WDR88: variants seen among roughly 807,000 people sequenced by gnomAD.
The protein encoded by WDR88 is WD repeat-containing protein 88.
Under a neutral mutation model 46.8 loss-of-function variants are expected in WDR88, and 40 were observed. The ratio of observed to expected loss-of-function variants is 0.86; its 90% CI spans 0.66 to 1.11. WDR88 has a LOEUF of 1.11. Among genes scored for constraint, WDR88 ranks in the 50% most tolerant of loss-of-function variants. WDR88 has a pLI of 0.00. For synonymous variants in WDR88, 235 were observed against 240.7 expected, an observed-to-expected ratio of 0.98 and a Z score of 0.22; for missense variants, 562 against 602.4, an observed-to-expected ratio of 0.93 and a Z score of 0.70.
chr19:33,143,054 G>T (rs1343538522), intron 2 of WDR88, among the ~76,000 whole-genome samples: 1 of 151,760 alleles, frequency 6.6e-6, no homozygotes, highest in Admixed American at 6.6e-5. Flanking sequence ...TGAAAGCTGA[G>T]TGCAATGGCC....
intron 2 of WDR88, among the ~76,000 whole-genome samples, chr19:33,138,400 T>C (rs1477199278): frequency 6.6e-6 from 1 of 152,022 alleles, no homozygotes. Flanking sequence ...CCAGATGGAG[T>C]GCAATGGCGT....
At chr19:33,159,277 G>A (rs1973820450) in intron 7 of WDR88, among the ~76,000 whole-genome samples, 1 of 151,670 alleles carries the variant, frequency 6.6e-6, no homozygotes, top group Admixed American at 6.6e-5. Flanking sequence ...TGAAGCTGCT[G>A]TGAGCTGATT....
chr19:33,144,000 G>GCTC, intron 2 of WDR88, among the ~76,000 whole-genome samples: 1 of 152,106 alleles, frequency 6.6e-6, no homozygotes, highest in South Asian at 2.1e-4. Context: ...ACAGGGATGG[G>GCTC]GTCGTGCTTC....
Position 33,175,422 on chromosome 19 carries a change from C to A in WDR88, c.1269C>A (p.Ser423=), listed in dbSNP as rs533632856. Residue 423 remains serine, a synonymous_variant, in exon 11 of 11, where the codon TCC becomes TCA. Coordinates refer to ENST00000355868, the MANE Select transcript of WDR88 (RefSeq NM_173479.4). The part of the protein sequence containing the change: ...KQCERCDRPF[S]IFKSDTSSEM... ...GCGAAAGATGTGACAGGCCTTTCTC[C>A]ATCTTCAAGAGTGACACCTCTTCTG... The A allele has an allele frequency of 9.9e-6, 16 of 1,614,138 alleles. No individual in the cohort carries two copies. In the African/African-American group the frequency reaches 1.1e-4, roughly 11 times the overall value.
At chr19:33,162,379 T>C (rs552698937) in intron 8 of WDR88, among the ~76,000 whole-genome samples, 52 of 148,570 alleles carry the variant, frequency 3.5e-4, no homozygotes, top group African/African-American at 1.2e-3. Flanking sequence ...TTTTTTTTTT[T>C]AAATTTTTAT....
rs566521256 is a variant in WDR88 at position 33,140,223 on chromosome 19, C to T, written c.387+2436C>T. Reference sequence around the variant, plus strand: ...AGGCTGGAGTGCAGTGGTGCAATTACGGCTCACTGCAGCCTCAACCTCCTG... The same window carrying T: ...AGGCTGGAGTGCAGTGGTGCAATTATGGCTCACTGCAGCCTCAACCTCCTG... On this transcript the variant is annotated intron_variant, in intron 2 of 10. Coordinates refer to ENST00000355868, the MANE Select transcript of WDR88 (RefSeq NM_173479.4). Among the ~76,000 whole-genome samples, 71 of 152,272 alleles carry T rather than the reference C, an allele frequency of 4.7e-4. No individual in the cohort carries two copies. In the South Asian group the frequency reaches 8.1e-3, roughly 17 times the overall value.
intron 1 of WDR88, among the ~76,000 whole-genome samples, chr19:33,133,210 G>GAGAGAA (rs796439243): frequency 1.6e-4 from 23 of 148,060 alleles, no homozygotes; most frequent in Admixed American, 6.9e-4. Flanking sequence ...GAGAGAGAGA[G>GAGAGAA]AGAAAGAAAG....
chr19:33,143,737 A>G (rs1378615704), intron 2 of WDR88, among the ~76,000 whole-genome samples: 5 of 152,150 alleles, frequency 3.3e-5, no homozygotes, highest in Non-Finnish European at 5.9e-5. Flanking sequence ...CACAAGAAAG[A>G]AAAAAACTCA....
At chr19:33,172,324 C>A (rs373456786) in intron 9 of WDR88, 24 bp from the exon 10 acceptor site, 154 of 1,589,986 alleles carry the variant, frequency 9.7e-5, no homozygotes, top group Non-Finnish European at 1.2e-4. Flanking sequence ...TGTTTTGTGA[C>A]CGCTGGTTTG....
At chr19:33,161,901 G>T (rs1216364018) in intron 8 of WDR88, among the ~76,000 whole-genome samples, 1 of 152,176 alleles carries the variant, frequency 6.6e-6, no homozygotes, top group African/African-American at 2.4e-5. Context: ...GGAGGCAGAG[G>T]CTGCAGTGAG....
chr19:33,157,681 A>G (rs10411014), intron 7 of WDR88, among the ~76,000 whole-genome samples: 1,459 of 23,772 alleles, frequency 0.061, 29 homozygotes, highest in Non-Finnish European at 0.1. Context: ...GTGTGTGTGT[A>G]TGTATGTATA....
intron 5 of WDR88, among the ~76,000 whole-genome samples, chr19:33,149,748 TC>T (rs773086340): frequency 1.6e-4 from 24 of 151,932 alleles, no homozygotes; most frequent in Non-Finnish European, 2.6e-4. Flanking sequence ...AACCTCCACT[TC>T]CTGGGTTCAA....
intron 2 of WDR88, among the ~76,000 whole-genome samples, chr19:33,143,240 TG>T (rs1198149248): frequency 3.4e-5 from 5 of 145,708 alleles, no homozygotes; most frequent in African/African-American, 1.3e-4. Context: ...GAAGTTGAGA[TG>T]GGAGGATTGC....
Position 33,175,614 on chromosome 19 carries a change from A to G in WDR88, c.*42A>G. ...TGAGTGACTCCAGCACAGGCTACCT[A>G]GCATGTAGGTTTCGGGGCTTTGCAG... is the stretch of plus-strand genomic sequence containing the variant. On this transcript the variant is annotated 3_prime_UTR_variant, in exon 11 of 11. Coordinates refer to ENST00000355868, the MANE Select transcript of WDR88 (RefSeq NM_173479.4). 6.2e-7 allele frequency: 1 copy of G among 1,610,628 alleles called. No individual in the cohort carries two copies. Among genetic ancestry groups the G allele is most frequent in the Non-Finnish European group, 8.5e-7 (1 of 1,178,110 alleles).
intron 2 of WDR88, among the ~76,000 whole-genome samples, chr19:33,138,184 G>T (rs947732644): frequency 2.0e-5 from 3 of 152,002 alleles, no homozygotes; most frequent in Non-Finnish European, 4.4e-5. Context: ...TTTCAGGCAT[G>T]TGCCACCACA....
intron 9 of WDR88, 152 bp downstream of exon 9, chr19:33,164,417 G>C (rs1019063840): frequency 1.4e-6 from 1 of 701,494 alleles, no homozygotes; most frequent in Non-Finnish European, 2.6e-6. Context: ...AATGTGGACA[G>C]CATGTCCTTC....
chr19:33,145,034 A>G lies in WDR88; in HGVS notation c.476+102A>G. ...TTTGTTTTTGTTTTAAGTAATAGAT[A>G]TGGGGTCTCACCATGTGGCCTAAGC... On this transcript the variant is annotated intron_variant, in intron 3 of 10. Transcript: ENST00000355868. 6 of 1,097,804 alleles carry G rather than the reference A, an allele frequency of 5.5e-6. No homozygotes were observed. In the South Asian group the frequency reaches 8.1e-5, roughly 15 times the overall value. 68.0% of individuals were successfully genotyped at this position (1,097,804 alleles called of 1,614,324 possible).
At chr19:33,156,668 C>A in intron 7 of WDR88, 126 bp downstream of exon 7, 2 of 1,139,370 alleles carry the variant, frequency 1.8e-6, no homozygotes, top group Non-Finnish European at 2.4e-6. Context: ...GATTCTTCCC[C>A]ACGAGAACAA....
intron 5 of WDR88, among the ~76,000 whole-genome samples, chr19:33,150,390 A>C (rs954630261): frequency 2.6e-5 from 4 of 152,240 alleles, no homozygotes; most frequent in Non-Finnish European, 5.9e-5. Context: ...TGGAGGTTGC[A>C]GTGAGCCGAA....
Sources: gnomAD v4.1 joint callset for allele counts (sites outside exome capture counted in the v4.1 genomes callset) on GRCh38, gnomAD v4.1.1 for gene constraint, MANE v1.5 for transcripts, NCBI Gene and HGNC (gene_info 2026-07-23, HGNC 2026-07-21) for gene names.